Variants in KCNMA1 observed in about 807,000 individuals in gnomAD.
KCNMA1 encodes potassium calcium-activated channel subfamily M alpha 1, also known as Calcium-activated potassium channel subunit alpha-1.
Under a neutral mutation model 140.0 loss-of-function variants are expected in KCNMA1, and 29 were observed. The ratio of observed to expected loss-of-function variants is 0.21; its 90% confidence interval spans 0.15 to 0.28. The LOEUF is 0.28. Among genes scored for constraint, KCNMA1 ranks in the 10% least tolerant of loss-of-function variants. The pLI, the probability that KCNMA1 is intolerant of heterozygous loss-of-function variation, is 1.00. For synonymous variants in KCNMA1, 612 were observed against 611.9 expected (o/e 1.00, Z 0.00); for missense variants, 880 against 1,602.2 (o/e 0.55, Z 7.70).
At chr10:77,359,040 C>T (rs185948098) in intron 2 of KCNMA1, among the ~76,000 whole-genome samples, 2 of 152,304 alleles carry the variant, frequency 1.3e-5, no homozygotes, top group African/African-American at 4.8e-5. Context: ...CAAGTTCTTG[C>T]TCCTAAAGGT....
At chr10:76,884,614 G>T (rs139686429), downstream of KCNMA1, 248 of 194,440 alleles carry the variant, frequency 1.3e-3, no homozygotes, top group African/African-American at 5.7e-3. Context: ...GCCACGTGCA[G>T]ATTAAAAGGC....
chr10:77,018,203 C>A (rs995343265), intron 17 of KCNMA1, among the ~76,000 whole-genome samples: 5 of 152,168 alleles, frequency 3.3e-5, no homozygotes, highest in African/African-American at 1.2e-4. Context: ...ACTAGGAACT[C>A]ATTCAATGAA....
At chr10:77,587,591 T>C (rs1422100544) in intron 1 of KCNMA1, among the ~76,000 whole-genome samples, 1 of 152,114 alleles carries the variant, frequency 6.6e-6, no homozygotes, top group Non-Finnish European at 1.5e-5. Flanking sequence ...TGGTGAGCAT[T>C]TCTCAGCAGA....
At chr10:76,934,489 C>A (rs56351612) in intron 23 of KCNMA1, among the ~76,000 whole-genome samples, 6,921 of 152,280 alleles carry the variant, frequency 0.045, 176 homozygotes, top group Non-Finnish European at 0.066. Flanking sequence ...GGCTCACACT[C>A]TGCACAAGGA....
At chr10:77,079,298 TC>T (rs1172796496) in intron 13 of KCNMA1, among the ~76,000 whole-genome samples, 182 bp downstream of exon 13, 8 of 151,630 alleles carry the variant, frequency 5.3e-5, no homozygotes, top group Non-Finnish European at 1.0e-4. Context: ...GAAAGAAATG[TC>T]CCAGGAAGAT....
chr10:77,139,328 C>T (rs2098118960), intron 5 of KCNMA1, among the ~76,000 whole-genome samples: 1 of 152,188 alleles, frequency 6.6e-6, no homozygotes, highest in Non-Finnish European at 1.5e-5. Context: ...CAGAGCAGCT[C>T]TTCTCTGTGA....
intron 3 of KCNMA1, among the ~76,000 whole-genome samples, chr10:77,240,038 A>T (rs1286890217): frequency 6.6e-6 from 1 of 152,210 alleles, no homozygotes; most frequent in Non-Finnish European, 1.5e-5. Flanking sequence ...TAGTATAATC[A>T]ACTCTTCTTT....
At chr10:77,535,764 A>G (rs1666225235) in intron 1 of KCNMA1, among the ~76,000 whole-genome samples, 1 of 152,254 alleles carries the variant, frequency 6.6e-6, no homozygotes, top group Admixed American at 6.5e-5. Context: ...ACAGGAGGAC[A>G]TTATGTTAAG....
At chr10:77,025,240 G>GTATATATATATA (rs1384161555) in intron 16 of KCNMA1, among the ~76,000 whole-genome samples, 732 of 64,902 alleles carry the variant, frequency 0.011, 9 homozygotes, top group South Asian at 0.015. Context: ...AGGGGTGTGT[G>GTATATATATATA]TGTATATATA....
chr10:77,460,585 G>C (rs150680997), intron 1 of KCNMA1, among the ~76,000 whole-genome samples: 178 of 151,446 alleles, frequency 1.2e-3, no homozygotes, highest in African/African-American at 4.1e-3. Context: ...CTCAGCCTTA[G>C]AAAAAAAATG....
intron 11 of KCNMA1, 85 bp from the exon 12 acceptor site, chr10:77,084,804 T>G: frequency 1.1e-6 from 1 of 946,544 alleles, no homozygotes; most frequent in Non-Finnish European, 1.7e-6. Flanking sequence ...GACAGCTTCT[T>G]GGGGAAGCTT....
chr10:76,884,631 G>A (rs1378108107), downstream of KCNMA1: 4 of 201,206 alleles, frequency 2.0e-5, no homozygotes, highest in Non-Finnish European at 4.0e-5. Flanking sequence ...AGGCAAGCCA[G>A]ATGGAGAGAA....
chr10:77,487,597 T>C (rs1235746740), intron 1 of KCNMA1, among the ~76,000 whole-genome samples: 1 of 152,160 alleles, frequency 6.6e-6, no homozygotes, highest in African/African-American at 2.4e-5. Context: ...TAAATGGTCA[T>C]TGTTTGTCAT....
At chr10:77,402,642 C>T (rs977010458) in intron 2 of KCNMA1, among the ~76,000 whole-genome samples, 2 of 152,194 alleles carry the variant, frequency 1.3e-5, no homozygotes, top group African/African-American at 4.8e-5. Flanking sequence ...CCAGACATAA[C>T]ATTGAGTTCT....
intron 2 of KCNMA1, among the ~76,000 whole-genome samples, chr10:77,310,491 C>A (rs2078992663): frequency 1.3e-5 from 2 of 152,244 alleles, no homozygotes; most frequent in South Asian, 4.1e-4. Flanking sequence ...ACACTAACCT[C>A]TTCAGATTAA....
chr10:77,382,306 A>G (rs1397693633), intron 2 of KCNMA1, among the ~76,000 whole-genome samples: 2 of 152,212 alleles, frequency 1.3e-5, no homozygotes, highest in African/African-American at 4.8e-5. Context: ...TGCTAGACAC[A>G]TTCTAAGCAC....
At chr10:77,559,020 C>T (rs2065459706) in intron 1 of KCNMA1, among the ~76,000 whole-genome samples, 1 of 152,162 alleles carries the variant, frequency 6.6e-6, no homozygotes, top group Admixed American at 6.5e-5. Flanking sequence ...GTATGAGTGA[C>T]TGGCTCAGCC....
intron 1 of KCNMA1, among the ~76,000 whole-genome samples, chr10:77,566,998 A>C (rs1318173997): frequency 3.9e-5 from 6 of 152,094 alleles, no homozygotes. Flanking sequence ...TTTTACCTTG[A>C]ACCTCCCTAC....
intron 23 of KCNMA1, among the ~76,000 whole-genome samples, chr10:76,921,081 A>G (rs1401072113): frequency 6.6e-6 from 1 of 152,202 alleles, no homozygotes; most frequent in East Asian, 1.9e-4. Flanking sequence ...ATAGATGGAG[A>G]AATGAAGGTA....
Sources: gnomAD v4.1 joint callset for allele counts (sites outside exome capture counted in the v4.1 genomes callset) on GRCh38, gnomAD v4.1.1 for gene constraint, MANE v1.5 for transcripts, NCBI Gene and HGNC (gene_info 2026-07-23, HGNC 2026-07-21) for gene names.